MED17: variants seen among roughly 807,000 people sequenced by gnomAD.
MED17 encodes mediator of RNA polymerase II transcription subunit 17.
Under a neutral mutation model 80.8 loss-of-function variants are expected in MED17, and 49 were observed. That is an observed-to-expected ratio of 0.61 (90% CI 0.48 to 0.77). The LOEUF is 0.77. Ranked by LOEUF, MED17 falls within the 30% of genes least tolerant of loss-of-function variation. The pLI is 0.00. For missense variants in MED17, 718 were observed against 787.0 expected (o/e 0.91, Z 1.05); for synonymous variants, 281 against 280.4 (o/e 1.00, Z -0.02).
In MED17 at chr11:93,809,708, C is replaced by T. The variant is rs1944066992; in HGVS notation, c.1585-9C>T. The stretch of plus-strand genomic sequence containing the variant: ...TGACTGTCAGTCAAGTGTCCTTTTT[C>T]ATTCACAGATGTCACAGCACCAGGT... On this transcript the variant is annotated splice_polypyrimidine_tract_variant and intron_variant, in intron 10 of 11. Coordinates refer to ENST00000251871, the MANE Select transcript of MED17 (RefSeq NM_004268.5). 1.2e-6 allele frequency: 2 copies of T among 1,613,992 alleles called. No homozygotes were observed. Among genetic ancestry groups the T allele is most frequent in the Non-Finnish European group, 8.5e-7 (1 of 1,179,992 alleles).
At chr11:93,807,375 T>C (rs543114893) in intron 9 of MED17, 143 bp from the exon 10 acceptor site, 1 of 647,914 alleles carries the variant, frequency 1.5e-6, no homozygotes, top group South Asian at 1.7e-5. Flanking sequence ...ATCACGCCAC[T>C]GCACTCCAGC....
At chr11:93,793,378 A>C in intron 3 of MED17, 1 of 240,284 alleles carries the variant, frequency 4.2e-6, no homozygotes, top group East Asian at 1.2e-4. Flanking sequence ...CGTCCTCCCA[A>C]AGTGCTGGGA....
intron 3 of MED17, among the ~76,000 whole-genome samples, chr11:93,792,790 A>T (rs1268800374): frequency 1.3e-5 from 2 of 151,960 alleles, no homozygotes; most frequent in Non-Finnish European, 2.9e-5. Context: ...AAAACTTAAA[A>T]ATTAGCTGGG....
intron 9 of MED17, among the ~76,000 whole-genome samples, chr11:93,803,617 C>A (rs1943985004): frequency 6.6e-6 from 1 of 152,070 alleles, no homozygotes; most frequent in Admixed American, 6.5e-5. Context: ...TATTATACTT[C>A]TGTTGGTGTT....
chr11:93,808,745 T>G (rs1944055288), intron 10 of MED17: 1 of 152,034 alleles, frequency 6.6e-6, no homozygotes, highest in Admixed American at 6.5e-5. Context: ...TAAATTGGCT[T>G]TGGTTACTTT....
At position 93,807,603 on chromosome 11, in the gene MED17, G is replaced by T; in HGVS notation, c.1552G>T (p.Glu518Ter). Residue 518 changes from glutamate to a stop codon, truncating the protein, a stop_gained, in exon 10 of 12, where the codon GAG becomes TAG. Transcript: ENST00000251871. LOFTEE classifies it high-confidence loss of function. ...DGRVITLSYQEQELQDFLLSQ... is the reference protein window; with the variant it reads ...DGRVITLSYQ Reference sequence around the variant, plus strand: ...AAGAGTAATTACACTGTCTTATCAGGAGCAGGAGCTACAGGATTTTCTTCT... The same window carrying T: ...AAGAGTAATTACACTGTCTTATCAGTAGCAGGAGCTACAGGATTTTCTTCT... The T allele has an allele frequency of 6.2e-7, 1 of 1,612,296 alleles. No homozygotes were observed. Among genetic ancestry groups the T allele is most frequent in the Non-Finnish European group, 8.5e-7 (1 of 1,178,470 alleles).
At chr11:93,796,686 T>A in intron 7 of MED17, 146 bp downstream of exon 7, 1 of 967,988 alleles carries the variant, frequency 1.0e-6, no homozygotes, top group Non-Finnish European at 1.6e-6. Flanking sequence ...TGCTGTGTGC[T>A]AGGGGAATAC....
chr11:93,809,814 A>G lies in MED17; in HGVS notation c.1682A>G (p.Glu561Gly). Residue 561 changes from glutamate (E) to glycine (G), a missense_variant, in exon 11 of 12, where the codon GAG becomes GGG. Glu to Gly is a moderately conservative substitution (Grantham distance 98). Coordinates refer to ENST00000251871, the MANE Select transcript of MED17 (RefSeq NM_004268.5). ...AATCATGTGGGACTTGGACCTATAG[A>G]GAGCATTGGTAATGCATCTGCCATC... Reference protein sequence around the residue: ...FSNHVGLGPIESIGNASAITV... With the variant: ...FSNHVGLGPIGSIGNASAITV... 1.9e-6 allele frequency: 3 copies of G among 1,614,182 alleles called. No homozygotes were observed. The highest frequency in any genetic ancestry group is 2.5e-6 in the Non-Finnish European group (3 of 1,180,034).
rs1943963734 is a variant in MED17, at chr11:93,801,735, G to T, written c.1329-100G>T. The stretch of plus-strand genomic sequence containing the variant: ...CTACACATAGTGGTAGTTTAAAAAA[G>T]TAGTTAGTTTTAAAATTTTCATAAA... On this transcript the variant is annotated intron_variant, in intron 8 of 11. Transcript: ENST00000251871. 2.6e-6 allele frequency: 3 copies of T among 1,157,232 alleles called. No homozygotes were observed. In the Admixed American group the frequency reaches 6.0e-5, roughly 23 times the overall value. 71.7% of individuals were successfully genotyped at this position (1,157,232 alleles called of 1,614,324 possible). A position where few individuals can be genotyped will look rare whatever the true frequency, so the allele number is the denominator to read the frequency against.
chr11:93,787,702 T>C (rs1565287903), intron 1 of MED17, among the ~76,000 whole-genome samples: 1 of 152,198 alleles, frequency 6.6e-6, no homozygotes, highest in African/African-American at 2.4e-5. Context: ...TTCTAAACAC[T>C]GTAAGAAGAT....
At chr11:93,807,413 T>TA in intron 9 of MED17, 105 bp from the exon 10 acceptor site, 1 of 784,358 alleles carries the variant, frequency 1.3e-6, no homozygotes, top group East Asian at 2.7e-5. Context: ...AGACTTTGTC[T>TA]AAAAAATAAT....
chr11:93,809,201 G>C (rs1464715943), intron 10 of MED17: 2 of 227,126 alleles, frequency 8.8e-6, no homozygotes, highest in Non-Finnish European at 1.8e-5. Context: ...GAGAAGCCTA[G>C]CAGCCAGTCA....
chr11:93,797,452 GT>G, intron 7 of MED17, 82 bp from the exon 8 acceptor site: 1 of 1,335,870 alleles, frequency 7.5e-7, no homozygotes, highest in East Asian at 2.3e-5. Flanking sequence ...TCCTTTCAGT[GT>G]TTCTGTCAAC....
chr11:93,787,089 A>G (rs976198080), intron 1 of MED17, among the ~76,000 whole-genome samples: 3 of 152,108 alleles, frequency 2.0e-5, no homozygotes, highest in Admixed American at 1.3e-4. Context: ...AAATAGATGT[A>G]TGTAAGTGCA....
In MED17 at chr11:93,809,818, C is replaced by T; in HGVS notation, c.1686C>T (p.Ser562=). 6.2e-7 allele frequency: 1 copy of T among 1,614,138 alleles called. No homozygotes were observed. Among genetic ancestry groups the T allele is most frequent in the Non-Finnish European group, 8.5e-7 (1 of 1,180,030 alleles). The change falls in exon 11 of 12, where the codon AGC becomes AGT. Residue 562 remains serine, a synonymous_variant. Coordinates refer to ENST00000251871, the MANE Select transcript of MED17 (RefSeq NM_004268.5). Reference sequence around the variant, plus strand: ...ATGTGGGACTTGGACCTATAGAGAGCATTGGTAATGCATCTGCCATCACGG... The same window carrying T: ...ATGTGGGACTTGGACCTATAGAGAGTATTGGTAATGCATCTGCCATCACGG... ...SNHVGLGPIE[S]IGNASAITVA...
intron 8 of MED17, among the ~76,000 whole-genome samples, chr11:93,799,511 G>A (rs1047876724): frequency 1.3e-5 from 2 of 152,290 alleles, no homozygotes; most frequent in Non-Finnish European, 2.9e-5. Flanking sequence ...TGGGCTTGGT[G>A]TGGTGGCTCA....
chr11:93,807,964 A>T, intron 10 of MED17: 1 of 343,900 alleles, frequency 2.9e-6, no homozygotes, highest in Non-Finnish European at 5.5e-6. Context: ...TTGTTGTAGA[A>T]AGTGAAGAAA....
intron 9 of MED17, among the ~76,000 whole-genome samples, chr11:93,804,891 G>C (rs931923631): frequency 6.6e-6 from 1 of 152,172 alleles, no homozygotes; most frequent in Non-Finnish European, 1.5e-5. Context: ...TTAATGATCA[G>C]AATACAATGG....
In MED17 at chr11:93,812,274, C is replaced by T. The variant is rs1944092344; in HGVS notation, c.*210C>T. Reference sequence around the variant, plus strand: ...AGAAGTTTATGTACAGTTGTATATACAGTATGACAAGATGTAAAATAATAT... The same window carrying T: ...AGAAGTTTATGTACAGTTGTATATATAGTATGACAAGATGTAAAATAATAT... On this transcript the variant is annotated 3_prime_UTR_variant, in exon 12 of 12. Coordinates refer to ENST00000251871, the MANE Select transcript of MED17 (RefSeq NM_004268.5). 1.7e-6 allele frequency: 1 copy of T among 604,706 alleles called. No individual in the cohort carries two copies. The highest frequency in any genetic ancestry group is 1.9e-5 in the African/African-American group (1 of 53,944). The allele number at this position is 604,706 out of a possible 1,614,324, so 37.5% of individuals were successfully genotyped here.
Sources: allele counts gnomAD v4.1 joint callset (sites outside exome capture counted in the v4.1 genomes callset), GRCh38; gene constraint gnomAD v4.1.1; transcripts MANE v1.5; gene names NCBI Gene and HGNC (gene_info 2026-07-23, HGNC 2026-07-21).